Variants in KCNIP3 observed in about 807,000 individuals in gnomAD.
KCNIP3 encodes calsenilin.
A neutral mutation model predicts 35.0 loss-of-function variants in KCNIP3; 28 were observed. The observed-to-expected ratio is 0.80, with a 90% CI of 0.59 to 1.10. The LOEUF (loss-of-function observed/expected upper bound fraction) is 1.10, where lower values mean the gene tolerates loss of function less well. Ranked by LOEUF, KCNIP3 falls within the 50% of genes least tolerant of loss-of-function variation. KCNIP3 has a pLI of 0.00. For missense variants in KCNIP3, 295 were observed against 338.4 expected, an observed-to-expected ratio of 0.87 and a Z score of 1.01; for synonymous variants, 134 against 133.8, an observed-to-expected ratio of 1.00 and a Z score of -0.01.
chr2:95,308,491 G>A (rs1331857917), intron 1 of KCNIP3, among the ~76,000 whole-genome samples: 1 of 152,218 alleles, frequency 6.6e-6, no homozygotes, highest in East Asian at 1.9e-4. Flanking sequence ...TGCCCATCCC[G>A]AATGTGGATA....
chr2:95,335,897 T>C (rs1191830432), intron 2 of KCNIP3, among the ~76,000 whole-genome samples: 2 of 152,234 alleles, frequency 1.3e-5, no homozygotes, highest in African/African-American at 2.4e-5. Flanking sequence ...TTTTAGTCCA[T>C]TCACATTTAA....
At chr2:95,367,815 G>A (rs1231564701) in intron 2 of KCNIP3, among the ~76,000 whole-genome samples, 2 of 146,376 alleles carry the variant, frequency 1.4e-5, no homozygotes, top group African/African-American at 2.5e-5. Flanking sequence ...AGGCTGGAGT[G>A]CAATGGCACG....
chr2:95,349,581 G>A (rs757203780), intron 2 of KCNIP3, among the ~76,000 whole-genome samples: 6 of 152,194 alleles, frequency 3.9e-5, no homozygotes, highest in Admixed American at 6.5e-5. Context: ...CAGGAAGCTC[G>A]CCCCTTGATC....
Position 95,375,212 on chromosome 2 carries a change from G to A in KCNIP3, c.447+4G>A. On this transcript the variant is annotated splice_donor_region_variant and intron_variant, in intron 5 of 8. Transcript: ENST00000295225. ...GAACGGGGCCATCCACTTTGAGGTA[G>A]GTCCTCGCGGATTCCTCCCACGTGT... 1 of 1,613,828 alleles carries A rather than the reference G, an allele frequency of 6.2e-7. No individual in the cohort carries two copies. Among genetic ancestry groups the A allele is most frequent in the Non-Finnish European group, 8.5e-7 (1 of 1,179,708 alleles).
intron 2 of KCNIP3, among the ~76,000 whole-genome samples, chr2:95,348,707 A>G (rs966771759): frequency 6.6e-6 from 1 of 152,204 alleles, no homozygotes; most frequent in Non-Finnish European, 1.5e-5. Flanking sequence ...CAAAAACCCC[A>G]TTCAGGCTCC....
chr2:95,328,539 G>A (rs541097585), intron 2 of KCNIP3, among the ~76,000 whole-genome samples: 2 of 152,344 alleles, frequency 1.3e-5, no homozygotes, highest in Non-Finnish European at 2.9e-5. Flanking sequence ...GCTGGACGCC[G>A]CTGCGTGCCT....
Position 95,325,032 on chromosome 2 carries a change from G to A in KCNIP3, c.181+14512G>A, listed in dbSNP as rs192740267. On this transcript the variant is annotated intron_variant, in intron 2 of 8. Coordinates refer to ENST00000295225, the MANE Select transcript of KCNIP3 (RefSeq NM_013434.5). ...TGAGGCTGGGCTGGGAGGTAGAAGGGGGGCTCCAGTCCCTTGCTGGCTGAG... is the reference window on the plus strand; with the variant it reads ...TGAGGCTGGGCTGGGAGGTAGAAGGAGGGCTCCAGTCCCTTGCTGGCTGAG... Among the ~76,000 whole-genome samples the A allele has an allele frequency of 3.3e-3, 510 of 152,316 alleles. 2 individuals carry two copies. Among genetic ancestry groups the A allele is most frequent in the African/African-American group, 0.012 (494 of 41,566 alleles).
chr2:95,320,277 A>G (rs981249400), intron 2 of KCNIP3, among the ~76,000 whole-genome samples: 3 of 152,176 alleles, frequency 2.0e-5, no homozygotes, highest in African/African-American at 7.2e-5. Flanking sequence ...TGCCATTTGC[A>G]TTAAATTTTC....
At chr2:95,330,533 G>A (rs971333748) in intron 2 of KCNIP3, among the ~76,000 whole-genome samples, 1 of 152,200 alleles carries the variant, frequency 6.6e-6, no homozygotes, top group Non-Finnish European at 1.5e-5. Context: ...TGCTAAGGGA[G>A]ACTCACCCGT....
intron 2 of KCNIP3, among the ~76,000 whole-genome samples, chr2:95,352,050 G>A (rs796893896): frequency 2.0e-5 from 3 of 152,222 alleles, no homozygotes; most frequent in African/African-American, 7.2e-5. Context: ...ATCACTTGAG[G>A]TCAGGAGTTC....
Position 95,325,724 on chromosome 2 carries a change from T to C in KCNIP3, c.181+15204T>C, listed in dbSNP as rs552998487. ...ATACATACACACAGTCATACACTTA[T>C]ACACATACACACTCATACACACGCA... On this transcript the variant is annotated intron_variant, in intron 2 of 8. Coordinates refer to ENST00000295225, the MANE Select transcript of KCNIP3 (RefSeq NM_013434.5). Among the ~76,000 whole-genome samples, 3 of 149,070 alleles carry C rather than the reference T, an allele frequency of 2.0e-5. No individual in the cohort carries two copies. In the South Asian group the frequency reaches 6.4e-4, roughly 32 times the overall value.
intron 2 of KCNIP3, among the ~76,000 whole-genome samples, chr2:95,332,377 G>T (rs1256917408): frequency 6.6e-6 from 1 of 152,288 alleles, no homozygotes; most frequent in African/African-American, 2.4e-5. Context: ...ACTTTGGGAG[G>T]CTGAGGCGGG....
At chr2:95,321,179 C>G (rs1678588096) in intron 2 of KCNIP3, among the ~76,000 whole-genome samples, 1 of 152,204 alleles carries the variant, frequency 6.6e-6, no homozygotes, top group Non-Finnish European at 1.5e-5. Flanking sequence ...CTTCCCTACG[C>G]CACCCTCTGT....
intron 1 of KCNIP3, among the ~76,000 whole-genome samples, chr2:95,307,394 C>T (rs540208765): frequency 2.0e-5 from 3 of 152,332 alleles, no homozygotes; most frequent in South Asian, 4.1e-4. Flanking sequence ...GTGGTCAAGC[C>T]CATGTGAACT....
intron 1 of KCNIP3, 49 bp downstream of exon 1, chr2:95,297,502 G>A (rs754479803): frequency 3.7e-6 from 4 of 1,090,478 alleles, no homozygotes; most frequent in Non-Finnish European, 5.4e-6. Context: ...GTCGGGGGGA[G>A]GAATGGAGGC....
intron 1 of KCNIP3, among the ~76,000 whole-genome samples, chr2:95,297,835 C>T (rs1425913213): frequency 6.6e-6 from 1 of 152,138 alleles, no homozygotes; most frequent in Non-Finnish European, 1.5e-5. Context: ...GCCAGCGTGG[C>T]TGACACTGAG....
chr2:95,365,492 A>G (rs1224082238), intron 2 of KCNIP3, among the ~76,000 whole-genome samples: 3 of 152,192 alleles, frequency 2.0e-5, no homozygotes, highest in Non-Finnish European at 4.4e-5. Flanking sequence ...CAAAATTACA[A>G]TATTGACCAC....
At chr2:95,325,614 T>C (rs1558763516) in intron 2 of KCNIP3, among the ~76,000 whole-genome samples, 8 of 149,488 alleles carry the variant, frequency 5.4e-5, no homozygotes, top group South Asian at 2.1e-4. Context: ...CATACACACG[T>C]ACACACACAC....
intron 1 of KCNIP3, among the ~76,000 whole-genome samples, chr2:95,302,882 C>G (rs539775268): frequency 2.2e-4 from 34 of 152,346 alleles, no homozygotes; most frequent in Admixed American, 2.1e-3. Context: ...TACGAAGCCA[C>G]TCACTTCTGT....
Sources: allele counts gnomAD v4.1 joint callset (sites outside exome capture counted in the v4.1 genomes callset), GRCh38; gene constraint gnomAD v4.1.1; transcripts MANE v1.5; gene names NCBI Gene and HGNC (gene_info 2026-07-23, HGNC 2026-07-21).